HOXA3: variants seen among roughly 807,000 people sequenced by gnomAD.
HOXA3 encodes the protein homeobox A3, also known as homeobox protein Hox-A3.
In HOXA3, 8 loss-of-function variants were observed where a neutral mutation model predicts 30.3. The ratio of observed to expected loss-of-function variants is 0.26; its 90% confidence interval spans 0.15 to 0.48. HOXA3 has a LOEUF of 0.48. Among genes scored for constraint, HOXA3 ranks in the 20% least tolerant of loss-of-function variants. The pLI is 0.99. For missense variants in HOXA3, 653 were observed against 614.4 expected, an observed-to-expected ratio of 1.06 and a Z score of -0.66; for synonymous variants, 323 against 273.1, an observed-to-expected ratio of 1.18 and a Z score of -1.80.
intron 1 of HOXA3, among the ~76,000 whole-genome samples, chr7:27,145,048 C>T (rs1782702458): frequency 6.6e-6 from 1 of 152,198 alleles, no homozygotes. Flanking sequence ...CGGTTGCACA[C>T]GCGGGACCGA....
chr7:27,144,172 T>C (rs1782673317), intron 1 of HOXA3, among the ~76,000 whole-genome samples: 1 of 152,210 alleles, frequency 6.6e-6, no homozygotes, highest in Non-Finnish European at 1.5e-5. Context: ...CTTATTTTTG[T>C]GTCGAGGTTG....
intron 2 of HOXA3, chr7:27,130,776 G>GT: frequency 6.4e-7 from 1 of 1,567,116 alleles, no homozygotes; most frequent in Non-Finnish European, 8.7e-7. Context: ...TCGCGTTGTC[G>GT]TTTTTTCTGG....
chr7:27,111,560 T>C (rs1214749231), intron 4 of HOXA3, among the ~76,000 whole-genome samples: 1 of 151,506 alleles, frequency 6.6e-6, no homozygotes, highest in African/African-American at 2.4e-5. Context: ...AAGTCACAAC[T>C]AAAATCCTGG....
rs1412048571 is a variant in HOXA3 at position 27,108,782 on chromosome 7, AC to A, written c.527-63del. The A allele has an allele frequency of 1.5e-6, 2 of 1,328,978 alleles. No homozygotes were observed. The highest frequency in any genetic ancestry group is 1.5e-5 in the African/African-American group (1 of 67,474). 82.3% of individuals were successfully genotyped at this position (1,328,978 alleles called of 1,614,324 possible). A position where few individuals can be genotyped will look rare whatever the true frequency, so the allele number is the denominator to read the frequency against. ...CTGCCGCGGCCCCGCCCAGCCCCTG[AC>A]CCAGCCCGGCCCCTCCTTCCACCAG... On this transcript the variant is annotated intron_variant, in intron 5 of 5. Coordinates refer to ENST00000612286, the MANE Select transcript of HOXA3 (RefSeq NM_153631.3). This position sits in a 1 kb window ranked among gnomAD's most constrained non-coding sequence, Gnocchi z 5.0.
intron 2 of HOXA3, among the ~76,000 whole-genome samples, chr7:27,134,966 A>G (rs1358871080): frequency 6.6e-6 from 1 of 152,204 alleles, no homozygotes; most frequent in African/African-American, 2.4e-5. Flanking sequence ...CTTGAAGGTC[A>G]ATTCATAGAA....
chr7:27,145,922 G>T lies in HOXA3; in HGVS notation c.-493-5736C>A, dbSNP rs201765874. 122 of 1,611,156 alleles carry T rather than the reference G, an allele frequency of 7.6e-5. No homozygotes were observed. In the Admixed American group the frequency reaches 2.0e-3, roughly 27 times the overall value. ...CATGGCTCCCATACACAGCACCTACGAGCAGAAACGGCCGGGCGCCGGTAA... is the reference window on the plus strand; with the variant it reads ...CATGGCTCCCATACACAGCACCTACTAGCAGAAACGGCCGGGCGCCGGTAA... On this transcript the variant is annotated intron_variant, in intron 1 of 5. Transcript: ENST00000612286.
intron 2 of HOXA3, chr7:27,128,671 C>CA: frequency 1.8e-5 from 3 of 168,794 alleles, no homozygotes; most frequent in East Asian, 1.5e-4. Flanking sequence ...GTAACAGTGT[C>CA]TTAAATAAAT....
Position 27,107,868 on chromosome 7 carries a change from A to T in HOXA3, c.*47T>A. On this transcript the variant is annotated 3_prime_UTR_variant, in exon 6 of 6. Transcript: ENST00000612286. The stretch of plus-strand genomic sequence containing the variant: ...AAAAAAAAAAGCAACCAAAGAAAAA[A>T]GGTGGGTGGGGGGAGACTCTCCTGG... 32 of 1,159,708 alleles carry T rather than the reference A, an allele frequency of 2.8e-5. No individual in the cohort carries two copies. Among genetic ancestry groups the T allele is most frequent in the Non-Finnish European group, 3.1e-5 (27 of 860,772 alleles). The allele number at this position is 1,159,708 out of a possible 1,614,324, so 71.8% of individuals were successfully genotyped here. A position where few individuals can be genotyped will look rare whatever the true frequency, so the allele number is the denominator to read the frequency against.
chr7:27,152,157 T>A (rs1314322774), intron 1 of HOXA3, 131 bp downstream of exon 1: 1 of 358,620 alleles, frequency 2.8e-6, no homozygotes, highest in East Asian at 9.0e-5. Context: ...TGGGGGCAAG[T>A]GTGAATGGGT....
intron 1 of HOXA3, chr7:27,147,135 G>T: frequency 1.5e-6 from 1 of 681,636 alleles, no homozygotes. Context: ...GCCATGGCCT[G>T]ATAGCCCCAT....
Position 27,152,439 on chromosome 7 carries a change from G to C in HOXA3, c.-645C>G. 1.7e-6 allele frequency: 2 copies of C among 1,157,510 alleles called. No individual in the cohort carries two copies. The highest frequency in any genetic ancestry group is 2.2e-6 in the Non-Finnish European group (2 of 924,514). The allele number at this position is 1,157,510 out of a possible 1,614,324, so 71.7% of individuals were successfully genotyped here. Reference sequence around the variant, plus strand: ...AGCTGCTGCCGCGGCGCCGGGAACGGAGCGCGCCCAATCTCCAGCGGGAGC... The same window carrying C: ...AGCTGCTGCCGCGGCGCCGGGAACGCAGCGCGCCCAATCTCCAGCGGGAGC... On this transcript the variant is annotated 5_prime_UTR_variant, in exon 1 of 6. Coordinates refer to ENST00000612286, the MANE Select transcript of HOXA3 (RefSeq NM_153631.3).
At chr7:27,152,166 G>A (rs1020706521) in intron 1 of HOXA3, 122 bp downstream of exon 1, 2 of 394,760 alleles carry the variant, frequency 5.1e-6, no homozygotes, top group Non-Finnish European at 8.9e-6. Flanking sequence ...GTGTGAATGG[G>A]TGAGTATGGG....
At chr7:27,148,368 A>ACT (rs918812972) in intron 1 of HOXA3, among the ~76,000 whole-genome samples, 15 of 152,156 alleles carry the variant, frequency 9.9e-5, no homozygotes, top group Admixed American at 4.6e-4. Flanking sequence ...CCAGGCCTTC[A>ACT]CTCTATGCTC....
intron 1 of HOXA3, chr7:27,143,226 C>G (rs771987984): frequency 6.2e-7 from 1 of 1,609,940 alleles, no homozygotes; most frequent in South Asian, 1.1e-5. Context: ...TCGGCCGAGG[C>G]GCCGCTGGAG....
At position 27,114,765 on chromosome 7, in the gene HOXA3, A is replaced by ACACACACACACACACACACACG. The variant is rs1176330716; in HGVS notation, c.-120-4006_-120-4005insCGTGTGTGTGTGTGTGTGTGTG. ...ATCATACACACACACACACACACAC[A>ACACACACACACACACACACACG]CACGCAGGGCAGAGGAATATGTGGT... On this transcript the variant is annotated intron_variant, in intron 4 of 5. Transcript: ENST00000612286. 5.3e-5 allele frequency among the ~76,000 whole-genome samples: 7 copies of ACACACACACACACACACACACG among 132,326 alleles called. No individual in the cohort carries two copies. The East Asian group carries it at 1.6e-3, about 30-fold the overall frequency. The allele number at this position is 132,326 out of a possible 152,430, so 86.8% of individuals were successfully genotyped here.
chr7:27,136,767 G>T (rs1026220892), intron 2 of HOXA3, among the ~76,000 whole-genome samples: 1 of 152,196 alleles, frequency 6.6e-6, no homozygotes, highest in African/African-American at 2.4e-5. Flanking sequence ...GGTTTGTGGG[G>T]AGGGGACCTG....
intron 2 of HOXA3, chr7:27,129,843 A>G: frequency 3.3e-6 from 2 of 607,512 alleles, no homozygotes. Context: ...AGCCTCTGCC[A>G]GGGCAATTAA....
chr7:27,147,817 C>T, intron 1 of HOXA3: 1 of 1,370,150 alleles, frequency 7.3e-7, no homozygotes, highest in Non-Finnish European at 9.9e-7. Flanking sequence ...TATTAGTAGT[C>T]ATCGAACTGG....
At chr7:27,145,577 G>T in intron 1 of HOXA3, 1 of 1,534,062 alleles carries the variant, frequency 6.5e-7, no homozygotes, top group Non-Finnish European at 8.8e-7. Context: ...AGCAGGCGGG[G>T]AGAAAAGTTG....
Sources: allele counts gnomAD v4.1 joint callset (sites outside exome capture counted in the v4.1 genomes callset), GRCh38; gene constraint gnomAD v4.1.1; non-coding constraint Gnocchi (gnomAD v3.1); transcripts MANE v1.5; gene names NCBI Gene and HGNC (gene_info 2026-07-23, HGNC 2026-07-21).